Variants in CRY2 observed in about 807,000 individuals in gnomAD.
The protein encoded by CRY2 is cryptochrome-2.
Under a neutral mutation model 69.5 loss-of-function variants are expected in CRY2, and 31 were observed. That is an observed-to-expected ratio of 0.45 (90% CI 0.34 to 0.60). The LOEUF is 0.60. Among genes scored for constraint, CRY2 ranks in the 20% least tolerant of loss-of-function variants. The pLI, the probability that CRY2 is intolerant of heterozygous loss-of-function variation, is 0.02. For synonymous variants in CRY2, 303 were observed against 312.2 expected (o/e 0.97, Z 0.31); for missense variants, 606 against 797.8 (o/e 0.76, Z 2.90).
At chr11:45,876,552 G>T (rs969248599) in intron 11 of CRY2, among the ~76,000 whole-genome samples, 4 of 152,150 alleles carry the variant, frequency 2.6e-5, no homozygotes, top group Admixed American at 1.3e-4. Context: ...CAATTATTTT[G>T]CCATGGGGAG....
intron 11 of CRY2, among the ~76,000 whole-genome samples, chr11:45,878,136 C>A (rs1260340440): frequency 6.6e-6 from 1 of 152,198 alleles, no homozygotes; most frequent in African/African-American, 2.4e-5. Context: ...GGGTTACTCC[C>A]CACTTTGGAA....
At position 45,847,675 on chromosome 11, in the gene CRY2, C is replaced by A; in HGVS notation, c.185C>A (p.Ala62Asp). Reference sequence around the variant, plus strand: ...TACATTCTCGACCCGTGGTTCGCGGCCTCCTCCTCAGTCGGGATCAACCGA... The same window carrying A: ...TACATTCTCGACCCGTGGTTCGCGGACTCCTCCTCAGTCGGGATCAACCGA... ...CVYILDPWFA[A>D]SSSVGINRWR... The change falls in exon 1 of 12, where the codon GCC becomes GAC. Residue 62 changes from alanine to aspartate, a missense_variant. Ala to Asp is a moderately radical substitution (Grantham distance 126). This residue lies in a region of CRY2 where 382 missense variants were observed against 508.9 expected (regional missense o/e 0.75). Coordinates refer to ENST00000616080, the MANE Select transcript of CRY2 (RefSeq NM_021117.5). 1 of 1,586,776 alleles carries A rather than the reference C, an allele frequency of 6.3e-7. No homozygotes were observed. Among genetic ancestry groups the A allele is most frequent in the Non-Finnish European group, 8.6e-7 (1 of 1,167,250 alleles).
chr11:45,854,962 G>A (rs1590762098), intron 1 of CRY2, among the ~76,000 whole-genome samples: 1 of 152,206 alleles, frequency 6.6e-6, no homozygotes, highest in African/African-American at 2.4e-5. Context: ...TGGGGAGTGA[G>A]GGAGGGGAAA....
intron 1 of CRY2, among the ~76,000 whole-genome samples, chr11:45,853,577 G>C (rs1483381013): frequency 6.6e-6 from 1 of 152,164 alleles, no homozygotes; most frequent in African/African-American, 2.4e-5. Context: ...TATGCAGCCT[G>C]GTGGACTGTG....
In CRY2 at chr11:45,870,893, C is replaced by T; in HGVS notation, c.1601C>T (p.Ala534Val). The change falls in exon 10 of 12, where the codon GCA becomes GTA. Residue 534 changes from alanine (A) to valine (V), a missense_variant. By Grantham distance (64) the Ala-to-Val change is moderately conservative (BLOSUM62 0). Around this residue, in one of 5 missense-constraint regions of CRY2, gnomAD observed 173 missense variants for 213.7 expected, o/e 0.81. Coordinates refer to ENST00000616080, the MANE Select transcript of CRY2 (RefSeq NM_021117.5). ...SCVEDLSHPV[A>V]EPSSSQAGSM... ...GTGGAAGACCTCAGTCACCCTGTGG[C>T]AGAGCCCAGCTCGAGCCAGGCTGGC... 1 of 1,613,160 alleles carries T rather than the reference C, an allele frequency of 6.2e-7. No individual in the cohort carries two copies.
Position 45,882,424 on chromosome 11 carries a change from C to G in CRY2, c.*1513C>G. 2.5e-6 allele frequency: 1 copy of G among 394,924 alleles called. No individual in the cohort carries two copies. Among genetic ancestry groups the G allele is most frequent in the Non-Finnish European group, 4.5e-6 (1 of 223,980 alleles). The allele number at this position is 394,924 out of a possible 1,614,324, so 24.5% of individuals were successfully genotyped here. A position where few individuals can be genotyped will look rare whatever the true frequency, so the allele number is the denominator to read the frequency against. Reference sequence around the variant, plus strand: ...TTTCCTAGCCTCAGATCTGTTAATTCTTTTGGCCCCAGCCCTGTCCCTCAC... The same window carrying G: ...TTTCCTAGCCTCAGATCTGTTAATTGTTTTGGCCCCAGCCCTGTCCCTCAC... On this transcript the variant is annotated 3_prime_UTR_variant, in exon 12 of 12. Transcript: ENST00000616080.
At chr11:45,873,433 G>A (rs887568099) in intron 11 of CRY2, among the ~76,000 whole-genome samples, 1 of 152,186 alleles carries the variant, frequency 6.6e-6, no homozygotes, top group African/African-American at 2.4e-5. Flanking sequence ...GTTCCTGGGA[G>A]TACCAGCAAC....
At chr11:45,858,987 T>G (rs2086264836) in intron 3 of CRY2, 114 bp downstream of exon 3, 2 of 1,301,060 alleles carry the variant, frequency 1.5e-6, no homozygotes, top group Admixed American at 4.6e-5. Context: ...CCAGGAGGCA[T>G]GGCATCTTCT....
Position 45,862,074 on chromosome 11 carries a change from G to A in CRY2, c.667G>A (p.Gly223Arg). 6.2e-7 allele frequency: 1 copy of A among 1,613,832 alleles called. No homozygotes were observed. The highest frequency in any genetic ancestry group is 8.5e-7 in the Non-Finnish European group (1 of 1,179,916). Residue 223 changes from glycine (G) to arginine (R), a missense_variant, in exon 5 of 12, where the codon GGA becomes AGA. Gly to Arg is a moderately radical substitution (Grantham distance 125). Coordinates refer to ENST00000616080, the MANE Select transcript of CRY2 (RefSeq NM_021117.5). ...CTTCTCTTCAGGGTTCCCCACTGAA[G>A]GACTTGGTCCAGCTGTCTGGCAGGG... ...SLEELGFPTE[G>R]LGPAVWQGGE...
chr11:45,882,448 A>C lies in CRY2; in HGVS notation c.*1537A>C, dbSNP rs1016385210. The C allele has an allele frequency of 2.5e-6, 1 of 396,842 alleles. No individual in the cohort carries two copies. Among genetic ancestry groups the C allele is most frequent in the South Asian group, 1.4e-4 (1 of 7,008 alleles). 24.6% of individuals were successfully genotyped at this position (396,842 alleles called of 1,614,324 possible). A position where few individuals can be genotyped will look rare whatever the true frequency, so the allele number is the denominator to read the frequency against. On this transcript the variant is annotated 3_prime_UTR_variant, in exon 12 of 12. Coordinates refer to ENST00000616080, the MANE Select transcript of CRY2 (RefSeq NM_021117.5). ...TCTTTTGGCCCCAGCCCTGTCCCTC[A>C]CTGTCCTCTGTCCTTGGACCAGAAC...
upstream of CRY2, chr11:45,847,280 T>C (rs1232493129): frequency 1.2e-5 from 18 of 1,538,528 alleles, no homozygotes; most frequent in Middle Eastern, 1.7e-4. Context: ...GACCCACACA[T>C]GGTAGGAACG....
chr11:45,859,504 A>G (rs1161234745), intron 3 of CRY2, among the ~76,000 whole-genome samples: 1 of 151,582 alleles, frequency 6.6e-6, no homozygotes, highest in Non-Finnish European at 1.5e-5. Flanking sequence ...TGAGGCTGCC[A>G]TGAGCTGTGA....
At chr11:45,847,783 C>T in intron 1 of CRY2, 78 bp downstream of exon 1, 1 of 1,451,096 alleles carries the variant, frequency 6.9e-7, no homozygotes, top group Non-Finnish European at 9.1e-7. Flanking sequence ...AGCACGATCC[C>T]CCCAACCCCG....
At chr11:45,867,940 A>C (rs1192537208) in intron 6 of CRY2, 188 bp downstream of exon 6, 32 of 687,664 alleles carry the variant, frequency 4.7e-5, no homozygotes, top group Non-Finnish European at 7.6e-5. Flanking sequence ...AGCCAAGCAC[A>C]GAGTGAACTG....
Position 45,883,064 on chromosome 11 carries a change from G to C in CRY2, c.*2153G>C, listed in dbSNP as rs184060342. The C allele has an allele frequency of 4.2e-4, 101 of 241,014 alleles. No individual in the cohort carries two copies. The highest frequency in any genetic ancestry group is 2.1e-3 in the African/African-American group (94 of 44,890). 14.9% of individuals were successfully genotyped at this position (241,014 alleles called of 1,614,324 possible). A position where few individuals can be genotyped will look rare whatever the true frequency, so the allele number is the denominator to read the frequency against. On this transcript the variant is annotated 3_prime_UTR_variant, in exon 12 of 12. Transcript: ENST00000616080. Reference sequence around the variant, plus strand: ...TTCATGCCTCCCTTCTCCCAGCTCAGGTGGCCCTGAGGGCTCCCTCGGAAC... The same window carrying C: ...TTCATGCCTCCCTTCTCCCAGCTCACGTGGCCCTGAGGGCTCCCTCGGAAC...
Position 45,869,628 on chromosome 11 carries a change from C to T in CRY2, c.1005C>T (p.Ile335=). The T allele has an allele frequency of 1.9e-6, 3 of 1,614,274 alleles. No individual in the cohort carries two copies. Among genetic ancestry groups the T allele is most frequent in the Non-Finnish European group, 2.5e-6 (3 of 1,180,048 alleles). Residue 335 remains isoleucine, a synonymous_variant, in exon 7 of 12, where the codon ATC becomes ATT. Transcript: ENST00000616080. ...GCATGGAGGGGAACCCCATCTGCAT[C>T]CAGATCCCCTGGGACCGCAATCCTG... The part of the protein sequence containing the change: ...FDRMEGNPIC[I]QIPWDRNPEA...
At chr11:45,872,359 C>G in intron 11 of CRY2, 126 bp downstream of exon 11, 1 of 847,998 alleles carries the variant, frequency 1.2e-6, no homozygotes, top group Non-Finnish European at 1.9e-6. Context: ...ACCCAATGCT[C>G]AGCCACTAAA....
chr11:45,847,430 G>A (rs1179328792), upstream of CRY2: 1 of 1,593,696 alleles, frequency 6.3e-7, no homozygotes, highest in Non-Finnish European at 8.5e-7. Flanking sequence ...GGCGGGCTAT[G>A]GGCGGGGTCC....
In CRY2 at chr11:45,862,686, A is replaced by G. The variant is rs549865918; in HGVS notation, c.741+538A>G. ...CCCCCTACTAAGAGGATATCTGGTT[A>G]GTAAAATCTATAAGATTATTTTGTG... On this transcript the variant is annotated intron_variant, in intron 5 of 11. Transcript: ENST00000616080. Among the ~76,000 whole-genome samples the G allele has an allele frequency of 2.9e-4, 44 of 152,354 alleles. 1 individual carries two copies. In the South Asian group the frequency reaches 8.7e-3, roughly 30 times the overall value.
Sources: allele counts gnomAD v4.1 joint callset (sites outside exome capture counted in the v4.1 genomes callset), GRCh38; gene constraint gnomAD v4.1.1; regional missense constraint gnomAD v4.1.1; transcripts MANE v1.5; gene names NCBI Gene and HGNC (gene_info 2026-07-23, HGNC 2026-07-21).